SCOC: variants seen among roughly 807,000 people sequenced by gnomAD.
SCOC encodes short coiled coil protein.
Under a neutral mutation model 9.9 loss-of-function variants are expected in SCOC, and 7 were observed. That is an observed-to-expected ratio of 0.71 (90% CI 0.40 to 1.33). SCOC has a LOEUF of 1.33. Among genes scored for constraint, SCOC ranks in the 40% most tolerant of loss-of-function variants. The pLI is 0.01. For synonymous variants in SCOC, 19 were observed against 28.2 expected (o/e 0.67, Z 1.03); for missense variants, 66 against 89.7 (o/e 0.74, Z 1.07).
intron 2 of SCOC, among the ~76,000 whole-genome samples, chr4:140,367,467 C>A (rs2126571515): frequency 6.6e-6 from 1 of 152,002 alleles, no homozygotes; most frequent in East Asian, 2.0e-4. Context: ...GCAGCCTCTG[C>A]CTCCCAGGTT....
chr4:140,264,999 C>T (rs962850983), intron 1 of SCOC, among the ~76,000 whole-genome samples: 29 of 152,192 alleles, frequency 1.9e-4, no homozygotes, highest in South Asian at 8.3e-4. Context: ...TGACTTCTAG[C>T]GTAGCTATGC....
At chr4:140,309,601 T>C (rs1293461901) in intron 1 of SCOC, among the ~76,000 whole-genome samples, 1 of 152,204 alleles carries the variant, frequency 6.6e-6, no homozygotes, top group African/African-American at 2.4e-5. Context: ...CTAGAAAGAT[T>C]CAAATAGATA....
At chr4:140,331,134 T>C (rs1732805119) in intron 1 of SCOC, among the ~76,000 whole-genome samples, 1 of 152,206 alleles carries the variant, frequency 6.6e-6, no homozygotes, top group Non-Finnish European at 1.5e-5. Flanking sequence ...GTTTTTAATC[T>C]TTCCTTTCTC....
chr4:140,317,207 G>A (rs978234082), intron 1 of SCOC, among the ~76,000 whole-genome samples: 4 of 152,090 alleles, frequency 2.6e-5, no homozygotes, highest in Non-Finnish European at 5.9e-5. Flanking sequence ...TTTCTCTATG[G>A]GTTCTTGTTA....
At position 140,382,809 on chromosome 4, in the gene SCOC, A is replaced by AT. The variant is rs1441860341; in HGVS notation, c.*1711dup. The AT allele has an allele frequency of 1.3e-5, 2 of 152,224 alleles. No homozygotes were observed. Among genetic ancestry groups the AT allele is most frequent in the Admixed American group, 1.3e-4 (2 of 15,276 alleles). 9.4% of individuals were successfully genotyped at this position (152,224 alleles called of 1,614,324 possible). Reference sequence around the variant, plus strand: ...TATCTCCAGGGAAAAAGGAAGTTGTATTTTTTAGGGTAGGCTAAGCTACTT... The same window carrying AT: ...TATCTCCAGGGAAAAAGGAAGTTGTATTTTTTTAGGGTAGGCTAAGCTACTT... On this transcript the variant is annotated 3_prime_UTR_variant, in exon 4 of 4. Coordinates refer to ENST00000608372, the MANE Select transcript of SCOC (RefSeq NM_001153484.2).
chr4:140,304,683 G>T (rs1731913403), intron 1 of SCOC, among the ~76,000 whole-genome samples: 1 of 152,128 alleles, frequency 6.6e-6, no homozygotes, highest in Admixed American at 6.6e-5. Flanking sequence ...ACTTTGGGGA[G>T]ACTCTTAGCT....
At chr4:140,288,036 C>A (rs1306632680) in intron 1 of SCOC, among the ~76,000 whole-genome samples, 1 of 151,994 alleles carries the variant, frequency 6.6e-6, no homozygotes, top group Non-Finnish European at 1.5e-5. Flanking sequence ...TACACACATA[C>A]CACACACATA....
At chr4:140,273,251 C>A (rs1443768006) in intron 1 of SCOC, among the ~76,000 whole-genome samples, 1 of 152,176 alleles carries the variant, frequency 6.6e-6, no homozygotes, top group Non-Finnish European at 1.5e-5. Flanking sequence ...AAACAAACAT[C>A]TGGACTGAAG....
chr4:140,265,563 G>A (rs1051160712), intron 1 of SCOC, among the ~76,000 whole-genome samples: 2 of 152,204 alleles, frequency 1.3e-5, no homozygotes, highest in African/African-American at 2.4e-5. Context: ...GAAAATGGAA[G>A]TGAGGTCCAG....
At chr4:140,362,301 T>TCTTCTTCTTCTTCCTTC in intron 2 of SCOC, among the ~76,000 whole-genome samples, 1 of 29,408 alleles carries the variant, frequency 3.4e-5, no homozygotes, top group East Asian at 9.2e-4. Flanking sequence ...TTCTTCTTCT[T>TCTTCTTCTTCTTCCTTC]TTTTTTTTTT....
intron 2 of SCOC, among the ~76,000 whole-genome samples, chr4:140,347,121 G>A (rs1726771651): frequency 6.6e-6 from 1 of 152,152 alleles, no homozygotes; most frequent in Non-Finnish European, 1.5e-5. Flanking sequence ...GTTCCTTTAA[G>A]AATGAAATAA....
chr4:140,345,352 T>C (rs1457785488), intron 2 of SCOC, among the ~76,000 whole-genome samples: 1 of 152,222 alleles, frequency 6.6e-6, no homozygotes, highest in Non-Finnish European at 1.5e-5. Flanking sequence ...TAACCAGTGG[T>C]GGACTCAGGA....
chr4:140,347,399 G>A (rs1726785178), intron 2 of SCOC, among the ~76,000 whole-genome samples: 1 of 152,146 alleles, frequency 6.6e-6, no homozygotes, highest in Non-Finnish European at 1.5e-5. Flanking sequence ...GCCATACAGT[G>A]CAGGACAAAA....
chr4:140,269,290 A>G (rs1001607099), intron 1 of SCOC, among the ~76,000 whole-genome samples: 2 of 152,188 alleles, frequency 1.3e-5, no homozygotes, highest in Non-Finnish European at 2.9e-5. Flanking sequence ...TTGACGACCA[A>G]TAGTGTACAG....
At chr4:140,306,002 T>C (rs780400870) in intron 1 of SCOC, among the ~76,000 whole-genome samples, 7 of 152,200 alleles carry the variant, frequency 4.6e-5, no homozygotes, top group Non-Finnish European at 8.8e-5. Context: ...AAAATAATAA[T>C]TAAGCTCACT....
chr4:140,315,477 G>A (rs1732289704), intron 1 of SCOC, among the ~76,000 whole-genome samples: 1 of 152,178 alleles, frequency 6.6e-6, no homozygotes, highest in African/African-American at 2.4e-5. Flanking sequence ...GGTTTTAACT[G>A]TAGAGCTTGA....
At chr4:140,318,473 G>GA (rs1449488881) in intron 1 of SCOC, among the ~76,000 whole-genome samples, 3 of 101,652 alleles carry the variant, frequency 3.0e-5, no homozygotes, top group African/African-American at 1.6e-4. Context: ...AAAAACACAT[G>GA]AAAAAATGCT....
At chr4:140,290,891 A>G (rs1389406340) in intron 1 of SCOC, among the ~76,000 whole-genome samples, 1 of 152,184 alleles carries the variant, frequency 6.6e-6, no homozygotes, top group East Asian at 1.9e-4. Context: ...TTGATGTTCC[A>G]TGGTCCAGCA....
intron 1 of SCOC, among the ~76,000 whole-genome samples, chr4:140,264,511 A>G (rs1730694651): frequency 6.6e-6 from 1 of 152,216 alleles, no homozygotes; most frequent in Non-Finnish European, 1.5e-5. Context: ...GTTAGAATAC[A>G]TTCAAAAAGA....
Sources: gnomAD v4.1 joint callset for allele counts (sites outside exome capture counted in the v4.1 genomes callset) on GRCh38, gnomAD v4.1.1 for gene constraint, MANE v1.5 for transcripts, NCBI Gene and HGNC (gene_info 2026-07-23, HGNC 2026-07-21) for gene names.